Variants in PREX2 observed in about 807,000 individuals in gnomAD.
The protein encoded by PREX2 is phosphatidylinositol 3,4,5-trisphosphate-dependent Rac exchanger 2 protein.
In PREX2, 107 loss-of-function variants were observed where a neutral mutation model predicts 203.2. That is an observed-to-expected ratio of 0.53 (90% CI 0.45 to 0.62). The LOEUF (loss-of-function observed/expected upper bound fraction) is 0.62, where lower values mean the gene tolerates loss of function less well. Among genes scored for constraint, PREX2 ranks in the 20% least tolerant of loss-of-function variants. The pLI, the probability that PREX2 is intolerant of heterozygous loss-of-function variation, is 0.00. For missense variants in PREX2, 1,777 were observed against 1,955.9 expected, an observed-to-expected ratio of 0.91 and a Z score of 1.72; for synonymous variants, 672 against 663.6, an observed-to-expected ratio of 1.01 and a Z score of -0.19.
At chr8:68,192,298 C>CTGTTTG (rs1487185362) in intron 36 of PREX2, 37 bp from the exon 37 acceptor site, 1 of 1,503,476 alleles carries the variant, frequency 6.7e-7, no homozygotes, top group African/African-American at 1.4e-5. Flanking sequence ...TTTTACTAAA[C>CTGTTTG]ATGTTGAACT....
chr8:68,202,511 A>G (rs973877389), intron 37 of PREX2, among the ~76,000 whole-genome samples: 4 of 152,202 alleles, frequency 2.6e-5, no homozygotes, highest in Non-Finnish European at 4.4e-5. Context: ...CATGGTCTGT[A>G]ATGGGACAAG....
intron 37 of PREX2, among the ~76,000 whole-genome samples, chr8:68,208,068 A>G (rs1260754964): frequency 1.3e-5 from 2 of 152,154 alleles, no homozygotes; most frequent in Non-Finnish European, 2.9e-5. Flanking sequence ...TCTGCATTTT[A>G]AAAAGGTCAC....
At position 68,083,233 on chromosome 8, in the gene PREX2, C is replaced by G. The variant is rs1030752; in HGVS notation, c.1879-7C>G. ...CTTTGACTTATTTTTTGTAATTTCT[C>G]TCTTAGATGGCTGGCATGGAAGTCG... is the stretch of plus-strand genomic sequence containing the variant. On this transcript the variant is annotated splice_polypyrimidine_tract_variant and splice_region_variant and intron_variant, in intron 17 of 39. Coordinates refer to ENST00000288368, the MANE Select transcript of PREX2 (RefSeq NM_024870.4). 4 of 1,572,648 alleles carry G rather than the reference C, an allele frequency of 2.5e-6. No homozygotes were observed. Among genetic ancestry groups the G allele is most frequent in the Non-Finnish European group, 3.5e-6 (4 of 1,155,196 alleles).
intron 13 of PREX2, among the ~76,000 whole-genome samples, chr8:68,071,167 G>A (rs1049541418): frequency 2.6e-5 from 4 of 152,068 alleles, no homozygotes; most frequent in Non-Finnish European, 4.4e-5. Context: ...TTCTTATCAA[G>A]AAAGCTGCAT....
intron 24 of PREX2, among the ~76,000 whole-genome samples, chr8:68,108,734 C>T (rs1223056190): frequency 6.6e-6 from 1 of 152,156 alleles, no homozygotes; most frequent in Non-Finnish European, 1.5e-5. Flanking sequence ...TTTTTAATTA[C>T]AGCTCCCCAC....
intron 1 of PREX2, among the ~76,000 whole-genome samples, chr8:67,983,985 G>A (rs1013629439): frequency 6.6e-6 from 1 of 151,552 alleles, no homozygotes; most frequent in Non-Finnish European, 1.5e-5. Context: ...ATCTAATGCC[G>A]TGCTTGGTAC....
At chr8:68,037,926 G>A (rs1289281883) in intron 6 of PREX2, among the ~76,000 whole-genome samples, 1 of 152,164 alleles carries the variant, frequency 6.6e-6, no homozygotes, top group Non-Finnish European at 1.5e-5. Flanking sequence ...CAACACACCT[G>A]GAAGGAGACA....
chr8:68,081,209 G>A (rs1252514287), intron 17 of PREX2, among the ~76,000 whole-genome samples: 1 of 152,126 alleles, frequency 6.6e-6, no homozygotes, highest in African/African-American at 2.4e-5. Flanking sequence ...AGTGTCATAA[G>A]GTATGGTCAA....
chr8:68,151,463 G>A (rs892797347), intron 34 of PREX2, among the ~76,000 whole-genome samples: 2 of 151,964 alleles, frequency 1.3e-5, no homozygotes, highest in Admixed American at 6.6e-5. Flanking sequence ...GGCCCCAAGG[G>A]GTTAGGACTT....
At position 68,164,570 on chromosome 8, in the gene PREX2, CT is replaced by C. The variant is rs1811720615; in HGVS notation, c.4346+7141del. On this transcript the variant is annotated intron_variant, in intron 35 of 39. Coordinates refer to ENST00000288368, the MANE Select transcript of PREX2 (RefSeq NM_024870.4). ...CTGGTGATCTGGCTTTTTTTTCTTTCTTTTTTTCTTTTTTCTTTTTTTTTTT... is the reference window on the plus strand; with the variant it reads ...CTGGTGATCTGGCTTTTTTTTCTTTCTTTTTTCTTTTTTCTTTTTTTTTTT... 2.1e-5 allele frequency among the ~76,000 whole-genome samples: 3 copies of C among 144,882 alleles called. No homozygotes were observed. The Middle Eastern group carries it at 0.011, about 525-fold the overall frequency.
chr8:68,226,219 G>T (rs10957423), intron 39 of PREX2, among the ~76,000 whole-genome samples: 65,219 of 151,892 alleles, frequency 0.43, 15,724 homozygotes, highest in East Asian at 0.86. Flanking sequence ...ACCTCAGAAA[G>T]GCAAAGCACT....
chr8:68,063,103 T>C (rs1296416775), intron 11 of PREX2, among the ~76,000 whole-genome samples: 3 of 152,174 alleles, frequency 2.0e-5, no homozygotes, highest in Non-Finnish European at 4.4e-5. Flanking sequence ...AAAAGCATCA[T>C]TTAAAAACTT....
intron 1 of PREX2, among the ~76,000 whole-genome samples, chr8:68,009,242 A>G (rs1349472234): frequency 6.6e-6 from 1 of 152,232 alleles, no homozygotes; most frequent in African/African-American, 2.4e-5. Flanking sequence ...TAAAACAGGA[A>G]TAGTGTTCTG....
chr8:68,166,006 A>G (rs770995319), intron 35 of PREX2, among the ~76,000 whole-genome samples: 2 of 152,208 alleles, frequency 1.3e-5, no homozygotes. Flanking sequence ...CCTAACTGGC[A>G]ATCCTTACCC....
chr8:68,045,706 G>T (rs1808331470), intron 8 of PREX2, among the ~76,000 whole-genome samples: 1 of 152,070 alleles, frequency 6.6e-6, no homozygotes, highest in South Asian at 2.1e-4. Flanking sequence ...GGCTAACTGT[G>T]GGGTGGTGTG....
chr8:67,964,960 T>G (rs1436689938), intron 1 of PREX2, among the ~76,000 whole-genome samples: 1 of 152,300 alleles, frequency 6.6e-6, no homozygotes, highest in South Asian at 2.1e-4. Context: ...CGGACTCTTC[T>G]GGATTGTGGG....
At chr8:68,097,727 C>G (rs981610644) in intron 22 of PREX2, among the ~76,000 whole-genome samples, 1 of 152,218 alleles carries the variant, frequency 6.6e-6, no homozygotes, top group African/African-American at 2.4e-5. Context: ...AGATGAAACC[C>G]TTGCTTAGGC....
At chr8:68,060,856 T>A (rs182760388) in intron 11 of PREX2, 77 bp downstream of exon 11, 1 of 965,880 alleles carries the variant, frequency 1.0e-6, no homozygotes, top group Non-Finnish European at 1.6e-6. Context: ...ATCAGTTTAG[T>A]TTACAATTCC....
intron 38 of PREX2, among the ~76,000 whole-genome samples, chr8:68,219,414 G>C (rs1310238060): frequency 6.6e-6 from 1 of 152,104 alleles, no homozygotes; most frequent in African/African-American, 2.4e-5. Flanking sequence ...CTATATTGAT[G>C]TGTATTATGT....
Sources: gnomAD v4.1 joint callset for allele counts (sites outside exome capture counted in the v4.1 genomes callset) on GRCh38, gnomAD v4.1.1 for gene constraint, MANE v1.5 for transcripts, NCBI Gene and HGNC (gene_info 2026-07-23, HGNC 2026-07-21) for gene names.